Variants in PKNOX2 observed in about 807,000 individuals in gnomAD.
PKNOX2 encodes the protein PBX/knotted 1 homeobox 2, also known as homeobox protein PKNOX2.
In PKNOX2, 14 loss-of-function variants were observed where a neutral mutation model predicts 53.1. The ratio of observed to expected loss-of-function variants is 0.26; its 90% CI spans 0.17 to 0.41. The LOEUF (loss-of-function observed/expected upper bound fraction) is 0.41. Among genes scored for constraint, PKNOX2 ranks in the 10% least tolerant of loss-of-function variants. The pLI, the probability that PKNOX2 is intolerant of heterozygous loss-of-function variation, is 1.00. For synonymous variants in PKNOX2, 257 were observed against 242.8 expected, an observed-to-expected ratio of 1.06 and a Z score of -0.54; for missense variants, 496 against 602.8, an observed-to-expected ratio of 0.82 and a Z score of 1.85.
rs2135710520 is a variant in PKNOX2, at chr11:125,431,208, G to A, written c.1235G>A (p.Ser412Asn). The A allele has an allele frequency of 6.2e-7, 1 of 1,613,850 alleles. No homozygotes were observed. Among genetic ancestry groups the A allele is most frequent in the South Asian group, 1.1e-5 (1 of 91,056 alleles). Residue 412 changes from serine to asparagine, a missense_variant, in exon 13 of 13, where the codon AGT becomes AAT. Physicochemically the swap from Ser to Asn is conservative, Grantham distance 46 (BLOSUM62 1). Transcript: ENST00000298282. ...LDNLQSLSSD[S>N]ATMAMQQAMM... The stretch of plus-strand genomic sequence containing the variant: ...AACCTGCAGTCCCTGTCCTCAGACA[G>A]TGCCACCATGGCCATGCAGCAGGCT...
intron 7 of PKNOX2, among the ~76,000 whole-genome samples, chr11:125,402,088 G>A (rs1241143877): frequency 2.0e-5 from 3 of 152,146 alleles, no homozygotes; most frequent in Admixed American, 6.5e-5. Flanking sequence ...TGGGTTGAGC[G>A]TTTTCCTGCT....
At chr11:125,408,740 G>C (rs1257603950) in intron 7 of PKNOX2, among the ~76,000 whole-genome samples, 1 of 152,178 alleles carries the variant, frequency 6.6e-6, no homozygotes, top group Non-Finnish European at 1.5e-5. Flanking sequence ...GAGGAGATTC[G>C]CCATGGCTGT....
chr11:125,398,954 G>A (rs751425550), intron 7 of PKNOX2, among the ~76,000 whole-genome samples: 12 of 152,210 alleles, frequency 7.9e-5, no homozygotes, highest in Non-Finnish European at 1.8e-4. Flanking sequence ...GCCGAGAGGT[G>A]CTGGAAGTAG....
intron 7 of PKNOX2, among the ~76,000 whole-genome samples, chr11:125,400,210 G>A (rs1954658651): frequency 6.6e-6 from 1 of 152,110 alleles, no homozygotes; most frequent in Non-Finnish European, 1.5e-5. Flanking sequence ...AAAGAGAAAA[G>A]ACACTAGTGA....
At chr11:125,183,781 A>T (rs1366203955) in intron 1 of PKNOX2, among the ~76,000 whole-genome samples, 1 of 152,180 alleles carries the variant, frequency 6.6e-6, no homozygotes, top group Non-Finnish European at 1.5e-5. Context: ...TAGCCACTAC[A>T]GTTGACCTTA....
At chr11:125,421,147 A>G (rs1056403745) in intron 10 of PKNOX2, among the ~76,000 whole-genome samples, 1 of 152,218 alleles carries the variant, frequency 6.6e-6, no homozygotes, top group African/African-American at 2.4e-5. Context: ...TGATCATGTA[A>G]TTGGGGAAAT....
At chr11:125,281,456 A>G (rs936252604) in intron 2 of PKNOX2, among the ~76,000 whole-genome samples, 3 of 152,204 alleles carry the variant, frequency 2.0e-5, no homozygotes, top group African/African-American at 7.2e-5. Context: ...AGGAACTTGC[A>G]TGATAGGCAG....
chr11:125,235,663 C>G (rs1942613948), intron 2 of PKNOX2, among the ~76,000 whole-genome samples: 1 of 152,202 alleles, frequency 6.6e-6, no homozygotes, highest in African/African-American at 2.4e-5. Flanking sequence ...AAAAGTCTAC[C>G]CACCTGTGGG....
chr11:125,340,021 A>G (rs1383371448), intron 3 of PKNOX2, among the ~76,000 whole-genome samples: 1 of 152,184 alleles, frequency 6.6e-6, no homozygotes, highest in Non-Finnish European at 1.5e-5. Context: ...CCTACTTCTT[A>G]TCGCTGGGAT....
chr11:125,430,179 G>A (rs1397405420), intron 12 of PKNOX2, 38 bp downstream of exon 12: 11 of 1,597,952 alleles, frequency 6.9e-6, no homozygotes, highest in Non-Finnish European at 8.5e-6. Context: ...GACAAGGGCT[G>A]GGGGTGCTCC....
chr11:125,401,226 A>G (rs1954728917), intron 7 of PKNOX2, among the ~76,000 whole-genome samples: 1 of 152,106 alleles, frequency 6.6e-6, no homozygotes, highest in African/African-American at 2.4e-5. Flanking sequence ...CAAGAGAGAG[A>G]GACAGGGAGG....
At chr11:125,319,978 A>C (rs1448082726) in intron 2 of PKNOX2, among the ~76,000 whole-genome samples, 2 of 152,240 alleles carry the variant, frequency 1.3e-5, no homozygotes, top group Admixed American at 6.5e-5. Context: ...AGAATGGGAA[A>C]GCCATATTGT....
chr11:125,259,546 T>A (rs11219998), intron 2 of PKNOX2, among the ~76,000 whole-genome samples: 56,683 of 152,086 alleles, frequency 0.37, 11,408 homozygotes, highest in African/African-American at 0.51. Context: ...AGTCCCAGGC[T>A]TCCACACCAC....
chr11:125,270,868 C>A (rs1458340743), intron 2 of PKNOX2, among the ~76,000 whole-genome samples: 1 of 152,124 alleles, frequency 6.6e-6, no homozygotes, highest in East Asian at 1.9e-4. Context: ...GCTCCTGGAC[C>A]AGGGCCTGTA....
chr11:125,185,937 T>C (rs1429918330), intron 1 of PKNOX2, among the ~76,000 whole-genome samples: 1 of 152,238 alleles, frequency 6.6e-6, no homozygotes. Context: ...GTTTAACTTT[T>C]TGAGGAACCA....
Position 125,367,988 on chromosome 11 carries a change from A to G in PKNOX2, c.227+3A>G. 1 of 1,611,678 alleles carries G rather than the reference A, an allele frequency of 6.2e-7. No individual in the cohort carries two copies. The highest frequency in any genetic ancestry group is 8.5e-7 in the Non-Finnish European group (1 of 1,178,868). ...GCTGACAAGCGAGCTGTATACAGGT[A>G]GGAGACACTTCAGCTGTGTCTACAG... On this transcript the variant is annotated splice_donor_region_variant and intron_variant, in intron 5 of 12. Coordinates refer to ENST00000298282, the MANE Select transcript of PKNOX2 (RefSeq NM_001382323.2).
At chr11:125,387,377 C>T (rs1331074697) in intron 6 of PKNOX2, among the ~76,000 whole-genome samples, 2 of 152,080 alleles carry the variant, frequency 1.3e-5, no homozygotes, top group Non-Finnish European at 2.9e-5. Context: ...ATAACTTATA[C>T]CTTCTTAAGA....
chr11:125,411,405 T>A, intron 9 of PKNOX2: 1 of 409,080 alleles, frequency 2.4e-6, no homozygotes, highest in East Asian at 5.5e-5. Flanking sequence ...ACTTGACAGC[T>A]TATGGCAAAT....
intron 5 of PKNOX2, among the ~76,000 whole-genome samples, chr11:125,381,815 G>T (rs1462272312): frequency 6.6e-6 from 1 of 152,160 alleles, no homozygotes; most frequent in African/African-American, 2.4e-5. Flanking sequence ...TGTCTCAAAT[G>T]CTTTGCTTTT....
Sources: gnomAD v4.1 joint callset for allele counts (sites outside exome capture counted in the v4.1 genomes callset) on GRCh38, gnomAD v4.1.1 for gene constraint, MANE v1.5 for transcripts, NCBI Gene and HGNC (gene_info 2026-07-23, HGNC 2026-07-21) for gene names.